Variants in MYH11 observed in about 807,000 individuals in gnomAD.
MYH11 encodes myosin heavy chain 11.
MYH11 carries 80 observed loss-of-function variants against 246.6 expected under a neutral mutation model. The ratio of observed to expected loss-of-function variants is 0.32; its 90% CI spans 0.27 to 0.39. The LOEUF is 0.39. Among genes scored for constraint, MYH11 ranks in the 10% least tolerant of loss-of-function variants. MYH11 has a pLI of 1.00. For synonymous variants in MYH11, 1,071 were observed against 1,015.5 expected, an observed-to-expected ratio of 1.05 and a Z score of -1.04; for missense variants, 2,158 against 2,546.8, an observed-to-expected ratio of 0.85 and a Z score of 3.29.
Position 15,718,400 on chromosome 16 carries a change from C to T in MYH11, c.5210G>A (p.Arg1737Gln), listed in dbSNP as rs148433586. The T allele has an allele frequency of 6.3e-6, 10 of 1,596,380 alleles. No individual in the cohort carries two copies. The highest frequency in any genetic ancestry group is 4.5e-5 in the East Asian group (2 of 44,680). ...LQDEKRRLEARIAQLEEELEE... is the reference protein window; with the variant it reads ...LQDEKRRLEAQIAQLEEELEE... The stretch of plus-strand genomic sequence containing the variant: ...CAGCTCCTCCTCCAGCTGGGCGATC[C>T]GGGCCTCCAGGCGGCGCTTCTCGTC... The change falls in exon 37 of 41, where the codon CGG becomes CAG. Residue 1737 changes from arginine (R) to glutamine (Q), a missense_variant. Around this residue, in one of 11 missense-constraint regions of MYH11, gnomAD observed 1,013 missense variants for 993.5 expected, o/e 1.02. Coordinates refer to ENST00000300036, the MANE Select transcript of MYH11 (RefSeq NM_002474.3).
intron 6 of MYH11, among the ~76,000 whole-genome samples, chr16:15,780,065 C>G (rs1238160457): frequency 6.6e-6 from 1 of 152,234 alleles, no homozygotes; most frequent in Non-Finnish European, 1.5e-5. Context: ...CAGGCACCTT[C>G]TTCACTCTCC....
chr16:15,822,261 G>A (rs964447791), intron 3 of MYH11, among the ~76,000 whole-genome samples: 15 of 152,190 alleles, frequency 9.9e-5, no homozygotes, highest in African/African-American at 3.6e-4. Context: ...CTTTCAGAGG[G>A]GGTGTGAGTT....
At position 15,727,081 on chromosome 16, in the gene MYH11, TAACAGGGAGGCTGTGGCCGGGAG is replaced by T. The variant is rs766337367; in HGVS notation, c.3652-50_3652-28del. On this transcript the variant is annotated intron_variant, in intron 27 of 40. Coordinates refer to ENST00000300036, the MANE Select transcript of MYH11 (RefSeq NM_002474.3). Reference sequence around the variant, plus strand: ...TGGCGAAGGAAGCAGAGGGGAGGGATAACAGGGAGGCTGTGGCCGGGAGAACGTTTCAGGCCCTGCCCTTTCCT... The same window carrying T: ...TGGCGAAGGAAGCAGAGGGGAGGGATAACGTTTCAGGCCCTGCCCTTTCCT... The T allele has an allele frequency of 3.9e-5, 62 of 1,608,730 alleles. 1 individual carries two copies. The East Asian group carries it at 1.2e-3, about 32-fold the overall frequency.
chr16:15,708,626 A>G (rs1319364610), intron 40 of MYH11, among the ~76,000 whole-genome samples: 3 of 152,208 alleles, frequency 2.0e-5, no homozygotes, highest in East Asian at 3.9e-4. Context: ...TCTATTTGTC[A>G]TCCTGATCTT....
At chr16:15,711,511 T>G (rs993058116) in intron 40 of MYH11, among the ~76,000 whole-genome samples, 3 of 152,154 alleles carry the variant, frequency 2.0e-5, no homozygotes, top group Non-Finnish European at 4.4e-5. Flanking sequence ...TTTAAAAATA[T>G]AGAGGAGGTA....
chr16:15,852,334 CTT>C (rs4006745), intron 1 of MYH11, among the ~76,000 whole-genome samples: 7 of 129,152 alleles, frequency 5.4e-5, no homozygotes, highest in African/African-American at 5.9e-5. Context: ...TTTGCAATGC[CTT>C]TTTTTTTTTT....
intron 4 of MYH11, among the ~76,000 whole-genome samples, chr16:15,794,234 C>G (rs1011947640): frequency 6.6e-6 from 1 of 152,220 alleles, no homozygotes; most frequent in African/African-American, 2.4e-5. Context: ...GCCTGAGCCA[C>G]AGTGCGCGGC....
At chr16:15,769,689 A>G (rs2042056538) in intron 9 of MYH11, among the ~76,000 whole-genome samples, 1 of 152,372 alleles carries the variant, frequency 6.6e-6, no homozygotes, top group South Asian at 2.1e-4. Flanking sequence ...GGCTTCTCAA[A>G]GTGCTGGAAT....
chr16:15,838,264 G>T lies in MYH11; in HGVS notation c.-12C>A, dbSNP rs763118586. The T allele has an allele frequency of 6.2e-7, 1 of 1,613,228 alleles. No homozygotes were observed. Among genetic ancestry groups the T allele is most frequent in the Non-Finnish European group, 8.5e-7 (1 of 1,179,444 alleles). ...CCCTTCTGCGCCATGGTGCCTTGTT[G>T]GTCCCCTGTGGAATAAGGTAACAGG... On this transcript the variant is annotated 5_prime_UTR_variant, in exon 2 of 41. Coordinates refer to ENST00000300036, the MANE Select transcript of MYH11 (RefSeq NM_002474.3).
At chr16:15,814,165 G>A (rs1172520117) in intron 3 of MYH11, among the ~76,000 whole-genome samples, 1 of 150,596 alleles carries the variant, frequency 6.6e-6, no homozygotes, top group African/African-American at 2.4e-5. Flanking sequence ...AAACCAAAAA[G>A]TGTAAAAATA....
intron 28 of MYH11, chr16:15,725,502 A>G: frequency 7.1e-6 from 3 of 425,376 alleles, no homozygotes; most frequent in Non-Finnish European, 1.2e-5. Flanking sequence ...CCTAAAGGTA[A>G]AAACGTCCTC....
intron 31 of MYH11, among the ~76,000 whole-genome samples, chr16:15,723,453 C>T (rs543356382): frequency 6.6e-6 from 1 of 152,120 alleles, no homozygotes; most frequent in Non-Finnish European, 1.5e-5. Context: ...TGGAGACCAG[C>T]CTGGACAACA....
At chr16:15,733,857 T>C (rs1421898431) in intron 26 of MYH11, among the ~76,000 whole-genome samples, 1 of 152,212 alleles carries the variant, frequency 6.6e-6, no homozygotes, top group Non-Finnish European at 1.5e-5. Context: ...CACTGGGCTC[T>C]TCTGTATCAA....
chr16:15,726,612 C>T (rs1385244485), intron 28 of MYH11: 6 of 597,564 alleles, frequency 1.0e-5, no homozygotes, highest in Non-Finnish European at 1.5e-5. Context: ...AGGTGATCCA[C>T]CCACCTCTGT....
chr16:15,787,170 G>C (rs34755645), intron 4 of MYH11, among the ~76,000 whole-genome samples: 3,812 of 152,232 alleles, frequency 0.025, 61 homozygotes, highest in East Asian at 0.11. Flanking sequence ...TATTTGGGAA[G>C]TTGAGGCAGG....
chr16:15,727,106 A>G (rs1178514733), intron 27 of MYH11, 52 bp from the exon 28 acceptor site: 15 of 1,560,196 alleles, frequency 9.6e-6, no homozygotes, highest in Non-Finnish European at 1.3e-5. Flanking sequence ...GGCCGGGAGA[A>G]CGTTTCAGGC....
intron 2 of MYH11, among the ~76,000 whole-genome samples, chr16:15,832,575 A>G (rs1455526524): frequency 2.6e-5 from 4 of 152,176 alleles, no homozygotes; most frequent in African/African-American, 9.7e-5. Flanking sequence ...CCAGAAACAG[A>G]TTTCTTTTTT....
intron 3 of MYH11, among the ~76,000 whole-genome samples, chr16:15,811,517 C>T (rs2043136784): frequency 6.6e-6 from 1 of 152,066 alleles, no homozygotes; most frequent in African/African-American, 2.4e-5. Context: ...CTGTGTGGTG[C>T]TAGTGAGGGC....
intron 2 of MYH11, among the ~76,000 whole-genome samples, chr16:15,825,088 A>G (rs990229464): frequency 8.5e-5 from 13 of 152,164 alleles, no homozygotes; most frequent in African/African-American, 2.9e-4. Flanking sequence ...CTAGTGAAAG[A>G]AGCCAGGCAC....
Sources: gnomAD v4.1 joint callset for allele counts (sites outside exome capture counted in the v4.1 genomes callset) on GRCh38, gnomAD v4.1.1 for gene constraint, gnomAD v4.1.1 regional missense constraint, MANE v1.5 for transcripts, NCBI Gene and HGNC (gene_info 2026-07-23, HGNC 2026-07-21) for gene names.